Variants in ANKRD31 observed in about 807,000 individuals in gnomAD.
ANKRD31 encodes ankyrin repeat domain 31.
Under a neutral mutation model 186.0 loss-of-function variants are expected in ANKRD31, and 147 were observed. The ratio of observed to expected loss-of-function variants is 0.79; its 90% CI spans 0.69 to 0.91. ANKRD31 has a LOEUF of 0.91. Ranked by LOEUF, ANKRD31 falls within the 40% of genes least tolerant of loss-of-function variation. ANKRD31 has a pLI of 0.00. For synonymous variants in ANKRD31, 673 were observed against 736.4 expected, an observed-to-expected ratio of 0.91 and a Z score of 1.39; for missense variants, 1,986 against 2,148.8, an observed-to-expected ratio of 0.92 and a Z score of 1.50.
intron 11 of ANKRD31, among the ~76,000 whole-genome samples, chr5:75,156,881 T>C (rs1479486974): frequency 1.3e-5 from 2 of 152,224 alleles, no homozygotes; most frequent in Non-Finnish European, 2.9e-5. Flanking sequence ...TTCTAGTCTG[T>C]AGAGCTGTGA....
At chr5:75,090,404 G>A (rs559305109) in intron 23 of ANKRD31, among the ~76,000 whole-genome samples, 4 of 152,218 alleles carry the variant, frequency 2.6e-5, no homozygotes, top group Admixed American at 2.0e-4. Flanking sequence ...CACAGAATCT[G>A]GGACACAGAA....
At chr5:75,195,528 T>A in intron 7 of ANKRD31, 103 bp downstream of exon 7, 1 of 1,002,926 alleles carries the variant, frequency 1.0e-6, no homozygotes, top group Admixed American at 3.0e-5. Flanking sequence ...CATAGACTCA[T>A]ATTTTCAGCT....
At chr5:75,121,396 A>G (rs1748778995) in intron 17 of ANKRD31, among the ~76,000 whole-genome samples, 1 of 152,196 alleles carries the variant, frequency 6.6e-6, no homozygotes, top group Non-Finnish European at 1.5e-5. Flanking sequence ...CACTAGACAG[A>G]TCACTGAGAC....
chr5:75,162,559 T>C (rs545268488), intron 11 of ANKRD31, among the ~76,000 whole-genome samples: 9 of 152,292 alleles, frequency 5.9e-5, no homozygotes, highest in African/African-American at 2.2e-4. Context: ...TGGTGGACTA[T>C]TGGGAAGGCA....
intron 10 of ANKRD31, among the ~76,000 whole-genome samples, chr5:75,175,023 T>C (rs1489462193): frequency 2.0e-5 from 3 of 152,142 alleles, no homozygotes; most frequent in African/African-American, 7.2e-5. Flanking sequence ...ATGTGGCACA[T>C]ATACACCATG....
intron 22 of ANKRD31, among the ~76,000 whole-genome samples, chr5:75,097,926 A>G (rs1746465477): frequency 6.6e-6 from 1 of 152,012 alleles, no homozygotes; most frequent in Non-Finnish European, 1.5e-5. Context: ...TCGTTTCCCC[A>G]TTTCTTGTTT....
intron 13 of ANKRD31, among the ~76,000 whole-genome samples, 193 bp from the exon 14 acceptor site, chr5:75,147,698 T>C (rs1384816160): frequency 6.6e-6 from 1 of 151,962 alleles, no homozygotes; most frequent in Non-Finnish European, 1.5e-5. Context: ...AAGGCAAATG[T>C]AATAGATTTA....
At chr5:75,121,215 A>G (rs1478846592) in intron 17 of ANKRD31, among the ~76,000 whole-genome samples, 1 of 151,846 alleles carries the variant, frequency 6.6e-6, no homozygotes, top group Admixed American at 6.6e-5. Flanking sequence ...GTGGAAAATG[A>G]TATTTAATGA....
Position 75,236,768 on chromosome 5 carries a change from G to T in ANKRD31, c.-82C>A. The stretch of plus-strand genomic sequence containing the variant: ...ACAAAAAAACGCTTTGAGGGCCAGG[G>T]GAAATTGTGAATTAAAAATAAAAAT... On this transcript the variant is annotated 5_prime_UTR_variant, in exon 1 of 26. Transcript: ENST00000506364. The T allele has an allele frequency of 9.4e-7, 1 of 1,061,002 alleles. No homozygotes were observed. The highest frequency in any genetic ancestry group is 2.8e-5 in the East Asian group (1 of 36,136). The allele number at this position is 1,061,002 out of a possible 1,614,324, so 65.7% of individuals were successfully genotyped here.
At chr5:75,078,608 G>A (rs1445028401) in intron 25 of ANKRD31, among the ~76,000 whole-genome samples, 1 of 152,078 alleles carries the variant, frequency 6.6e-6, no homozygotes, top group Non-Finnish European at 1.5e-5. Flanking sequence ...TGTGTTTTGA[G>A]TATCTTGGTA....
chr5:75,228,975 TA>T (rs1441886617), intron 2 of ANKRD31, among the ~76,000 whole-genome samples: 1 of 152,210 alleles, frequency 6.6e-6, no homozygotes, highest in Non-Finnish European at 1.5e-5. Flanking sequence ...CTGTGAACCA[TA>T]AATACACAAA....
At chr5:75,124,552 C>T (rs1749054062) in intron 17 of ANKRD31, among the ~76,000 whole-genome samples, 1 of 151,996 alleles carries the variant, frequency 6.6e-6, no homozygotes, top group South Asian at 2.1e-4. Context: ...CAGTGGATGA[C>T]CGGATAAATA....
intron 6 of ANKRD31, among the ~76,000 whole-genome samples, chr5:75,198,175 T>C (rs767481994): frequency 2.6e-5 from 4 of 152,188 alleles, no homozygotes; most frequent in Non-Finnish European, 5.9e-5. Flanking sequence ...CAAGCCAACA[T>C]TCCTAAGTCC....
chr5:75,173,282 T>C (rs13436579), intron 10 of ANKRD31, among the ~76,000 whole-genome samples: 28,769 of 152,136 alleles, frequency 0.19, 3,062 homozygotes, highest in South Asian at 0.39. Flanking sequence ...AATATCATAC[T>C]GAATGGGCAA....
At chr5:75,115,441 G>A (rs371950367) in intron 19 of ANKRD31, among the ~76,000 whole-genome samples, 1 of 151,938 alleles carries the variant, frequency 6.6e-6, no homozygotes, top group Non-Finnish European at 1.5e-5. Context: ...TTCTGCACAG[G>A]AAAAGAAACT....
chr5:75,082,073 C>T (rs1013894708), intron 24 of ANKRD31, among the ~76,000 whole-genome samples: 1 of 152,142 alleles, frequency 6.6e-6, no homozygotes, highest in Non-Finnish European at 1.5e-5. Context: ...ATTAATGTTA[C>T]CTGTTTTAAT....
At chr5:75,109,607 G>C (rs983207869) in intron 20 of ANKRD31, among the ~76,000 whole-genome samples, 2 of 152,132 alleles carry the variant, frequency 1.3e-5, no homozygotes, top group African/African-American at 4.8e-5. Flanking sequence ...CAATGAATTG[G>C]TATCTGGCTT....
At chr5:75,215,369 G>C (rs1291531532) in intron 3 of ANKRD31, among the ~76,000 whole-genome samples, 3 of 152,040 alleles carry the variant, frequency 2.0e-5, no homozygotes, top group Admixed American at 6.6e-5. Flanking sequence ...AACATTCTGT[G>C]ACCCAGCCAA....
chr5:75,190,275 C>G (rs942893458), intron 9 of ANKRD31, among the ~76,000 whole-genome samples: 1 of 152,168 alleles, frequency 6.6e-6, no homozygotes, highest in Non-Finnish European at 1.5e-5. Flanking sequence ...CCCACTTCAG[C>G]CTCCCAAAGT....
Sources: gnomAD v4.1 joint callset for allele counts (sites outside exome capture counted in the v4.1 genomes callset) on GRCh38, gnomAD v4.1.1 for gene constraint, MANE v1.5 for transcripts, NCBI Gene and HGNC (gene_info 2026-07-23, HGNC 2026-07-21) for gene names.